The following STAP1 variants were observed in gnomAD, a reference collection of about 807,000 sequenced individuals.
STAP1 encodes the protein signal-transducing adaptor protein 1.
A neutral mutation model predicts 37.8 loss-of-function variants in STAP1; 30 were observed. The observed-to-expected ratio is 0.79, with a 90% CI of 0.59 to 1.08. The LOEUF (loss-of-function observed/expected upper bound fraction) is 1.08, where lower values mean the gene tolerates loss of function less well. Among genes scored for constraint, STAP1 ranks in the 50% least tolerant of loss-of-function variants. The probability of loss-of-function intolerance (pLI) is 0.00; values close to 1 mark genes in which losing one functional copy is unlikely to be tolerated. For synonymous variants in STAP1, 130 were observed against 116.0 expected (o/e 1.12, Z -0.78); for missense variants, 357 against 349.4 (o/e 1.02, Z -0.17).
At chr4:67,560,219 A>G (rs569883308) in intron 1 of STAP1, among the ~76,000 whole-genome samples, 1 of 78,626 alleles carries the variant, frequency 1.3e-5, no homozygotes, top group East Asian at 2.2e-4. Context: ...AAGAATAAGA[A>G]TTTTAGAGTG....
intron 1 of STAP1, among the ~76,000 whole-genome samples, chr4:67,561,842 G>C (rs1460941990): frequency 6.6e-6 from 1 of 152,078 alleles, no homozygotes; most frequent in African/African-American, 2.4e-5. Context: ...GGGAGGCCCA[G>C]GTGGGCGGAT....
At chr4:67,581,580 C>T in intron 5 of STAP1, 109 bp downstream of exon 5, 1 of 1,230,464 alleles carries the variant, frequency 8.1e-7, no homozygotes, top group South Asian at 1.5e-5. Context: ...AATAAGCAGT[C>T]TTGGGGATAA....
intron 1 of STAP1, among the ~76,000 whole-genome samples, chr4:67,560,635 T>TGTGTGGGGGG (rs1218321115): frequency 4.9e-5 from 3 of 61,204 alleles, no homozygotes; most frequent in Admixed American, 3.4e-4. Flanking sequence ...AGTATCTTTG[T>TGTGTGGGGGG]GTGTGTGGGT....
At chr4:67,590,990 T>C in intron 7 of STAP1, 37 bp downstream of exon 7, 1 of 1,542,114 alleles carries the variant, frequency 6.5e-7, no homozygotes, top group Non-Finnish European at 8.9e-7. Context: ...ATGAACTTCC[T>C]CCCGATTCCT....
intron 8 of STAP1, among the ~76,000 whole-genome samples, chr4:67,595,790 G>T (rs1265837857): frequency 1.3e-5 from 2 of 152,088 alleles, no homozygotes; most frequent in Non-Finnish European, 2.9e-5. Flanking sequence ...GAATCATCCT[G>T]TTGCCATCCA....
chr4:67,578,499 A>AGAT (rs2109862864), intron 4 of STAP1, among the ~76,000 whole-genome samples: 1 of 152,248 alleles, frequency 6.6e-6, no homozygotes, highest in South Asian at 2.1e-4. Context: ...GACCAGTTAA[A>AGAT]GATGTGAAGA....
chr4:67,588,882 C>T (rs1247100605), intron 6 of STAP1, among the ~76,000 whole-genome samples: 1 of 152,128 alleles, frequency 6.6e-6, no homozygotes, highest in South Asian at 2.1e-4. Context: ...GAAACTACTA[C>T]ATTAAAACAA....
chr4:67,606,342 T>C lies in STAP1; in HGVS notation c.873T>C (p.Asn291=), dbSNP rs777363846. The change falls in exon 9 of 9, where the codon AAT becomes AAC. Residue 291 remains asparagine (N), a synonymous_variant. Coordinates refer to ENST00000265404, the MANE Select transcript of STAP1 (RefSeq NM_012108.4). ...GGAGAAGTGAAAAGTTGAAGAAAAATCCACACATTGCATGAAATACAATGT... is the reference window on the plus strand; with the variant it reads ...GGAGAAGTGAAAAGTTGAAGAAAAACCCACACATTGCATGAAATACAATGT... ...MEGRSEKLKK[N]PHIA 2 of 1,610,994 alleles carry C rather than the reference T, an allele frequency of 1.2e-6. No individual in the cohort carries two copies. Among genetic ancestry groups the C allele is most frequent in the Non-Finnish European group, 1.7e-6 (2 of 1,178,860 alleles).
intron 8 of STAP1, among the ~76,000 whole-genome samples, chr4:67,601,648 C>A (rs953864862): frequency 6.6e-6 from 1 of 152,144 alleles, no homozygotes; most frequent in Non-Finnish European, 1.5e-5. Context: ...AAGTATTTTG[C>A]CGTCTGCACA....
At chr4:67,587,259 C>A (rs1728005731) in intron 6 of STAP1, among the ~76,000 whole-genome samples, 1 of 152,300 alleles carries the variant, frequency 6.6e-6, no homozygotes, top group South Asian at 2.1e-4. Flanking sequence ...GAGAAATGTT[C>A]AGTCATGCAA....
In STAP1 at chr4:67,606,308, G is replaced by A; in HGVS notation, c.839G>A (p.Ser280Asn). 6.2e-7 allele frequency: 1 copy of A among 1,612,346 alleles called. No homozygotes were observed. Among genetic ancestry groups the A allele is most frequent in the Non-Finnish European group, 8.5e-7 (1 of 1,179,366 alleles). ...CCACAATTTCTAGGTCAAGAACCCA[G>A]TATGGAAGGGAGAAGTGAAAAGTTG... The part of the protein sequence containing the change: ...STDENTGQEP[S>N]MEGRSEKLKK... Residue 280 changes from serine (S) to asparagine (N), a missense_variant, in exon 9 of 9, where the codon AGT becomes AAT. Coordinates refer to ENST00000265404, the MANE Select transcript of STAP1 (RefSeq NM_012108.4).
At chr4:67,570,608 G>A (rs143316061) in intron 1 of STAP1, among the ~76,000 whole-genome samples, 5,735 of 151,976 alleles carry the variant, frequency 0.038, 153 homozygotes, top group Non-Finnish European at 0.044. Context: ...GCTGCAGTGA[G>A]CCATGATTGT....
At chr4:67,580,456 A>G (rs966886324) in intron 4 of STAP1, among the ~76,000 whole-genome samples, 3 of 152,240 alleles carry the variant, frequency 2.0e-5, no homozygotes, top group African/African-American at 7.2e-5. Context: ...GTAACTTAAT[A>G]GAAAGTGAAG....
chr4:67,572,196 C>T (rs2109858811), intron 2 of STAP1, among the ~76,000 whole-genome samples: 1 of 152,236 alleles, frequency 6.6e-6, no homozygotes, highest in African/African-American at 2.4e-5. Flanking sequence ...TGTTATCAGA[C>T]AGGAAACTGG....
chr4:67,594,179 A>G (rs904899050), intron 8 of STAP1, among the ~76,000 whole-genome samples: 2 of 152,202 alleles, frequency 1.3e-5, no homozygotes, highest in South Asian at 4.1e-4. Context: ...TAGTTATCAA[A>G]ACAAGTCTCT....
chr4:67,566,337 C>A (rs1353092854), intron 1 of STAP1, among the ~76,000 whole-genome samples: 1 of 152,164 alleles, frequency 6.6e-6, no homozygotes, highest in Non-Finnish European at 1.5e-5. Flanking sequence ...AGAAATCACA[C>A]AAATGAAGAT....
In STAP1 at chr4:67,583,745, G is replaced by T. The variant is rs780172994; in HGVS notation, c.659+43G>T. ...AAATGTATGGAATTTTTAAAAGCGT[G>T]GTATCACTAAATACAAGTCCAGATC... is the stretch of plus-strand genomic sequence containing the variant. On this transcript the variant is annotated intron_variant, in intron 6 of 8. Transcript: ENST00000265404. The T allele has an allele frequency of 1.2e-5, 19 of 1,589,722 alleles. No homozygotes were observed. In the East Asian group the frequency reaches 3.2e-4, roughly 27 times the overall value.
At chr4:67,562,187 T>TAA (rs763389665) in intron 1 of STAP1, among the ~76,000 whole-genome samples, 2 of 128,272 alleles carry the variant, frequency 1.6e-5, no homozygotes, top group African/African-American at 5.8e-5. Context: ...TGTGCTAAAG[T>TAA]AAAAAAAAAA....
At chr4:67,604,941 T>C (rs933986319) in intron 8 of STAP1, among the ~76,000 whole-genome samples, 2 of 152,224 alleles carry the variant, frequency 1.3e-5, no homozygotes. Flanking sequence ...AGTTTAGCTG[T>C]CAACGCCTTT....
Sources: gnomAD v4.1 joint callset for allele counts (sites outside exome capture counted in the v4.1 genomes callset) on GRCh38, gnomAD v4.1.1 for gene constraint, MANE v1.5 for transcripts, NCBI Gene and HGNC (gene_info 2026-07-23, HGNC 2026-07-21) for gene names.